IL1RAPL1: variants seen among roughly 807,000 people sequenced by gnomAD.
IL1RAPL1 encodes interleukin-1 receptor accessory protein-like 1.
IL1RAPL1 carries 3 observed loss-of-function variants against 48.4 expected under a neutral mutation model. The ratio of observed to expected loss-of-function variants is 0.06; its 90% CI spans 0.03 to 0.16. The LOEUF (loss-of-function observed/expected upper bound fraction) is 0.16, where lower values mean the gene tolerates loss of function less well. IL1RAPL1 is among the 10% of genes least tolerant of loss of function. The pLI is 1.00. For synonymous variants in IL1RAPL1, 185 were observed against 187.7 expected (o/e 0.99, Z 0.12); for missense variants, 349 against 530.6 (o/e 0.66, Z 3.36).
At chrX:29,567,986 C>T (rs1922463171) in intron 5 of IL1RAPL1, among the ~76,000 whole-genome samples, 1 of 109,803 alleles carries the variant, frequency 9.1e-6, no homozygotes, top group Non-Finnish European at 1.9e-5. Flanking sequence ...AATGAAATAA[C>T]CCTTAATTCC....
intron 2 of IL1RAPL1, among the ~76,000 whole-genome samples, chrX:28,880,910 G>A (rs1328921347): frequency 9.0e-6 from 1 of 111,388 alleles, no homozygotes; most frequent in African/African-American, 3.3e-5. Context: ...ATTTTCCTTT[G>A]AACTGGTTAT....
chrX:29,295,120 T>C (rs1440623435), intron 3 of IL1RAPL1, among the ~76,000 whole-genome samples: 1 of 111,680 alleles, frequency 9.0e-6, no homozygotes, highest in African/African-American at 3.3e-5. Context: ...AGATTCAAGG[T>C]CATTTTTGGA....
intron 6 of IL1RAPL1, among the ~76,000 whole-genome samples, chrX:29,883,433 T>G (rs1372912335): frequency 9.0e-6 from 1 of 111,669 alleles, no homozygotes; most frequent in African/African-American, 3.3e-5. Context: ...AGAGAGAATT[T>G]TATTACATTT....
chrX:28,591,653 T>C (rs1054862832), intron 1 of IL1RAPL1, among the ~76,000 whole-genome samples: 2 of 111,517 alleles, frequency 1.8e-5, no homozygotes, highest in African/African-American at 6.5e-5. Flanking sequence ...TTTTTATTAC[T>C]AAATTCCAAC....
At chrX:29,887,349 A>G (rs1267518328) in intron 6 of IL1RAPL1, among the ~76,000 whole-genome samples, 1 of 112,575 alleles carries the variant, frequency 8.9e-6, no homozygotes, top group Non-Finnish European at 1.9e-5. Flanking sequence ...AACTATTTGC[A>G]TGATAATTTC....
chrX:29,892,547 A>G (rs1261502879), intron 6 of IL1RAPL1, among the ~76,000 whole-genome samples: 1 of 112,733 alleles, frequency 8.9e-6, no homozygotes, highest in Non-Finnish European at 1.9e-5. Flanking sequence ...TTTAGAATGT[A>G]TCTGGGGGAT....
At chrX:29,844,068 G>A (rs1416070244) in intron 6 of IL1RAPL1, among the ~76,000 whole-genome samples, 1 of 111,749 alleles carries the variant, frequency 8.9e-6, no homozygotes, top group African/African-American at 3.3e-5. Flanking sequence ...TCTATTTTGT[G>A]TTATAAATAC....
chrX:29,839,576 T>C (rs1668988093), intron 6 of IL1RAPL1, among the ~76,000 whole-genome samples: 1 of 112,060 alleles, frequency 8.9e-6, no homozygotes, highest in Non-Finnish European at 1.9e-5. Context: ...ATTATGCATG[T>C]ATGTTTGCAT....
chrX:29,408,613 G>C (rs1206953685), intron 5 of IL1RAPL1, among the ~76,000 whole-genome samples: 1 of 111,767 alleles, frequency 8.9e-6, no homozygotes, highest in Non-Finnish European at 1.9e-5. Context: ...ATTGTTACAA[G>C]GATGTGATAG....
At chrX:29,709,066 A>G (rs771527020) in intron 6 of IL1RAPL1, among the ~76,000 whole-genome samples, 1 of 111,721 alleles carries the variant, frequency 9.0e-6, no homozygotes, top group African/African-American at 3.2e-5. Context: ...TAATTGGGTT[A>G]TTTGTTTTCC....
chrX:29,736,802 T>C (rs1928060332), intron 6 of IL1RAPL1, among the ~76,000 whole-genome samples: 1 of 112,399 alleles, frequency 8.9e-6, no homozygotes, highest in African/African-American at 3.2e-5. Context: ...GCAATACTCA[T>C]GAAATTGCTA....
chrX:29,916,735 TAGAA>T (rs1182872124), intron 6 of IL1RAPL1, among the ~76,000 whole-genome samples: 2 of 112,202 alleles, frequency 1.8e-5, no homozygotes, highest in Non-Finnish European at 3.8e-5. Flanking sequence ...TTCCACCTTT[TAGAA>T]AGAGACTTCA....
chrX:28,670,210 C>T (rs1361034059), intron 1 of IL1RAPL1, among the ~76,000 whole-genome samples: 1 of 111,724 alleles, frequency 9.0e-6, no homozygotes, highest in Non-Finnish European at 1.9e-5. Flanking sequence ...AATCTTTATG[C>T]ATCCCAGAAC....
At chrX:29,036,848 G>C (rs1211634269) in intron 2 of IL1RAPL1, among the ~76,000 whole-genome samples, 1 of 111,254 alleles carries the variant, frequency 9.0e-6, no homozygotes, top group Non-Finnish European at 1.9e-5. Context: ...GTTCCAAGGG[G>C]CATTCATAAC....
intron 5 of IL1RAPL1, among the ~76,000 whole-genome samples, chrX:29,452,643 A>G (rs1934692642): frequency 9.0e-6 from 1 of 111,335 alleles, no homozygotes; most frequent in African/African-American, 3.3e-5. Context: ...GTGTTTTTGT[A>G]TGTTTCATTC....
chrX:28,806,867 G>A (rs894310830), intron 2 of IL1RAPL1, among the ~76,000 whole-genome samples: 4 of 110,898 alleles, frequency 3.6e-5, no homozygotes, highest in Non-Finnish European at 7.6e-5. Flanking sequence ...ATTGAGGAGA[G>A]GTTATTACCT....
intron 5 of IL1RAPL1, among the ~76,000 whole-genome samples, chrX:29,407,576 C>T (rs771674203): frequency 2.2e-3 from 246 of 111,555 alleles, no homozygotes; most frequent in Non-Finnish European, 3.7e-3. Context: ...TGCCATTAAC[C>T]GTCTTATGTA....
intron 2 of IL1RAPL1, among the ~76,000 whole-genome samples, chrX:29,176,907 G>C (rs1042634482): frequency 1.8e-5 from 2 of 111,364 alleles, no homozygotes; most frequent in Admixed American, 9.6e-5. Flanking sequence ...GAAAGCATTT[G>C]ATTTCAAGAC....
chrX:29,781,161 C>T (rs1272188482), intron 6 of IL1RAPL1, among the ~76,000 whole-genome samples: 1 of 112,132 alleles, frequency 8.9e-6, no homozygotes, highest in African/African-American at 3.2e-5. Context: ...TAATCATCCT[C>T]TTTTTAACAG....
Sources: allele counts gnomAD v4.1 joint callset (sites outside exome capture counted in the v4.1 genomes callset), GRCh38; gene constraint gnomAD v4.1.1; transcripts MANE v1.5; gene names NCBI Gene and HGNC (gene_info 2026-07-23, HGNC 2026-07-21).